ZNF470: variants seen among roughly 807,000 people sequenced by gnomAD.
ZNF470 encodes the protein zinc finger protein 470.
In ZNF470, 13 loss-of-function variants were observed where a neutral mutation model predicts 13.9. The observed-to-expected ratio is 0.94, with a 90% CI of 0.61 to 1.49. The LOEUF is 1.49. ZNF470 is among the 40% of genes most tolerant of loss of function. ZNF470 has a pLI of 0.00. For missense variants in ZNF470, 929 were observed against 857.3 expected (o/e 1.08, Z -1.04); for synonymous variants, 293 against 282.9 (o/e 1.04, Z -0.36).
Position 56,577,255 on chromosome 19 carries a change from A to C in ZNF470, c.826A>C (p.Arg276=), listed in dbSNP as rs1265422176. 1.2e-6 allele frequency: 2 copies of C among 1,612,250 alleles called. No individual in the cohort carries two copies. The highest frequency in any genetic ancestry group is 8.5e-7 in the Non-Finnish European group (1 of 1,179,190). Residue 276 remains arginine, a synonymous_variant, in exon 6 of 6, where the codon AGA becomes CGA. Transcript: ENST00000330619. ...SQSAHLAQHQ[R]IHTGEKPFEC... ...GAGTGCCCACCTTGCTCAACATCAG[A>C]GAATACACACAGGAGAAAAACCTTT...
chr19:56,578,053 T>C lies in ZNF470; in HGVS notation c.1624T>C (p.Cys542Arg). The change falls in exon 6 of 6, where the codon TGT becomes CGT. Residue 542 changes from cysteine (C) to arginine (R), a missense_variant. Physicochemically the swap from Cys to Arg is radical, Grantham distance 180. Coordinates refer to ENST00000330619, the MANE Select transcript of ZNF470 (RefSeq NM_001001668.4). ...GGAGAAACCTTATGAATGTAAGGAATGTGGTAAGGCCTTCAGTCAGATTGC... is the reference window on the plus strand; with the variant it reads ...GGAGAAACCTTATGAATGTAAGGAACGTGGTAAGGCCTTCAGTCAGATTGC... ...TGEKPYECKECGKAFSQIAHL... is the reference protein window; with the variant it reads ...TGEKPYECKERGKAFSQIAHL... 6.2e-7 allele frequency: 1 copy of C among 1,614,012 alleles called. No individual in the cohort carries two copies. The highest frequency in any genetic ancestry group is 8.5e-7 in the Non-Finnish European group (1 of 1,180,008).
At chr19:56,573,823 C>A in intron 3 of ZNF470, 1 of 340,806 alleles carries the variant, frequency 2.9e-6, no homozygotes, top group Non-Finnish European at 4.2e-6. Flanking sequence ...AACAACTTTT[C>A]AAATGTGTTC....
Position 56,578,731 on chromosome 19 carries a change from CTG to C in ZNF470, c.*150_*151del. 1 of 1,277,594 alleles carries C rather than the reference CTG, an allele frequency of 7.8e-7. No homozygotes were observed. Among genetic ancestry groups the C allele is most frequent in the Non-Finnish European group, 9.9e-7 (1 of 1,010,540 alleles). 79.1% of individuals were successfully genotyped at this position (1,277,594 alleles called of 1,614,324 possible). On this transcript the variant is annotated 3_prime_UTR_variant, in exon 6 of 6. Coordinates refer to ENST00000330619, the MANE Select transcript of ZNF470 (RefSeq NM_001001668.4). ...GCTTCTATCAACTACATGTTTAACA[CTG>C]TAGGCAGCCTAACCTTTTAAAAATA... is the stretch of plus-strand genomic sequence containing the variant.
Position 56,579,450 on chromosome 19 carries a change from G to T in ZNF470, c.*867G>T, listed in dbSNP as rs960306800. The stretch of plus-strand genomic sequence containing the variant: ...GAAAAACAAAGAACAAAAGCATTTG[G>T]TAGAATGTAGGACTAACCAGGGTAG... On this transcript the variant is annotated 3_prime_UTR_variant, in exon 6 of 6. Transcript: ENST00000330619. 7 of 985,274 alleles carry T rather than the reference G, an allele frequency of 7.1e-6. No individual in the cohort carries two copies. The African/African-American group carries it at 1.0e-4, about 15-fold the overall frequency. 61.0% of individuals were successfully genotyped at this position (985,274 alleles called of 1,614,324 possible).
chr19:56,569,534 A>G (rs961391827), intron 2 of ZNF470, among the ~76,000 whole-genome samples: 1 of 152,224 alleles, frequency 6.6e-6, no homozygotes, highest in African/African-American at 2.4e-5. Flanking sequence ...TAGGTTATTT[A>G]CAAATTTGTG....
At position 56,577,432 on chromosome 19, in the gene ZNF470, A is replaced by C. The variant is rs763736722; in HGVS notation, c.1003A>C (p.Thr335Pro). The C allele has an allele frequency of 6.2e-7, 1 of 1,614,114 alleles. No individual in the cohort carries two copies. Among genetic ancestry groups the C allele is most frequent in the Non-Finnish European group, 8.5e-7 (1 of 1,180,010 alleles). Reference protein sequence around the residue: ...AHLAQHQRVHTGEKPYECIEC... With the variant: ...AHLAQHQRVHPGEKPYECIEC... Reference sequence around the variant, plus strand: ...CCTTGCTCAACATCAGAGGGTCCACACTGGAGAGAAACCCTATGAATGTAT... The same window carrying C: ...CCTTGCTCAACATCAGAGGGTCCACCCTGGAGAGAAACCCTATGAATGTAT... The change falls in exon 6 of 6, where the codon ACT (threonine) becomes CCT (proline). Residue 335 changes from threonine to proline, a missense_variant. Transcript: ENST00000330619.
Position 56,577,675 on chromosome 19 carries a change from A to G in ZNF470, c.1246A>G (p.Lys416Glu). 1 of 1,610,826 alleles carries G rather than the reference A, an allele frequency of 6.2e-7. No homozygotes were observed. The highest frequency in any genetic ancestry group is 8.5e-7 in the Non-Finnish European group (1 of 1,177,566). The change falls in exon 6 of 6, where the codon AAG becomes GAG. Residue 416 changes from lysine (K) to glutamate (E), a missense_variant. Physicochemically the swap from Lys to Glu is moderately conservative, Grantham distance 56. Transcript: ENST00000330619. ...FTDHIGLIQH[K>E]RTHTGERPYK... Reference sequence around the variant, plus strand: ...TGATCACATAGGACTTATTCAGCATAAGAGAACTCATACTGGAGAGAGACC... The same window carrying G: ...TGATCACATAGGACTTATTCAGCATGAGAGAACTCATACTGGAGAGAGACC...
Position 56,581,524 on chromosome 19 carries a change from T to C in ZNF470, c.*2941T>C. 7.3e-6 allele frequency: 6 copies of C among 824,952 alleles called. No individual in the cohort carries two copies. Among genetic ancestry groups the C allele is most frequent in the Non-Finnish European group, 8.8e-6 (6 of 683,922 alleles). The allele number at this position is 824,952 out of a possible 1,614,324, so 51.1% of individuals were successfully genotyped here. ...AGTGTCCATCAGGGTAATAAATAAA[T>C]TAATTATGGTATATATCCATTCAAT... On this transcript the variant is annotated 3_prime_UTR_variant, in exon 6 of 6. Transcript: ENST00000330619.
chr19:56,581,293 C>A lies in ZNF470; in HGVS notation c.*2710C>A. ...AAGAAATGCAAATTAAAGTGATTAT[C>A]TACTTTTTCCCCAAAAGACTGACTA... is the stretch of plus-strand genomic sequence containing the variant. On this transcript the variant is annotated 3_prime_UTR_variant, in exon 6 of 6. Transcript: ENST00000330619. 1.4e-6 allele frequency: 1 copy of A among 720,336 alleles called. No individual in the cohort carries two copies. The highest frequency in any genetic ancestry group is 1.7e-6 in the Non-Finnish European group (1 of 588,340). 44.6% of individuals were successfully genotyped at this position (720,336 alleles called of 1,614,324 possible).
chr19:56,582,462 G>A lies in ZNF470; in HGVS notation c.*3879G>A. Reference sequence around the variant, plus strand: ...GAGACTATTTTTATGCATTGTTAAAGTGGAATGCTGGTTAAATTTTATACT... The same window carrying A: ...GAGACTATTTTTATGCATTGTTAAAATGGAATGCTGGTTAAATTTTATACT... On this transcript the variant is annotated 3_prime_UTR_variant, in exon 6 of 6. Transcript: ENST00000330619. 1 of 985,370 alleles carries A rather than the reference G, an allele frequency of 1.0e-6. No homozygotes were observed. Among genetic ancestry groups the A allele is most frequent in the Non-Finnish European group, 1.2e-6 (1 of 829,892 alleles). The allele number at this position is 985,370 out of a possible 1,614,324, so 61.0% of individuals were successfully genotyped here.
Position 56,580,897 on chromosome 19 carries a change from G to T in ZNF470, c.*2314G>T, listed in dbSNP as rs2044530576. Reference sequence around the variant, plus strand: ...TGGCATTGGGAAACTTAGCTCACTGGAAAAACAGATCTGTACCTTTCACAC... The same window carrying T: ...TGGCATTGGGAAACTTAGCTCACTGTAAAAACAGATCTGTACCTTTCACAC... On this transcript the variant is annotated 3_prime_UTR_variant, in exon 6 of 6. Coordinates refer to ENST00000330619, the MANE Select transcript of ZNF470 (RefSeq NM_001001668.4). 1.0e-6 allele frequency: 1 copy of T among 985,142 alleles called. No homozygotes were observed. Among genetic ancestry groups the T allele is most frequent in the East Asian group, 1.1e-4 (1 of 8,820 alleles). 61.0% of individuals were successfully genotyped at this position (985,142 alleles called of 1,614,324 possible). A position where few individuals can be genotyped will look rare whatever the true frequency, so the allele number is the denominator to read the frequency against.
chr19:56,569,564 G>C lies in ZNF470; in HGVS notation c.-33+681G>C, dbSNP rs532585148. ...TTTGTGTGACTTGTGGAAAAGACTT[G>C]ACTTCCCAGAGCTTTCTTGTGTAAA... On this transcript the variant is annotated intron_variant, in intron 2 of 5. Coordinates refer to ENST00000330619, the MANE Select transcript of ZNF470 (RefSeq NM_001001668.4). Among the ~76,000 whole-genome samples, 7 of 152,312 alleles carry C rather than the reference G, an allele frequency of 4.6e-5. No individual in the cohort carries two copies. The South Asian group carries it at 1.5e-3, about 32-fold the overall frequency.
At position 56,580,858 on chromosome 19, in the gene ZNF470, G is replaced by T. The variant is rs2044530364; in HGVS notation, c.*2275G>T. 1.0e-6 allele frequency: 1 copy of T among 985,202 alleles called. No individual in the cohort carries two copies. 61.0% of individuals were successfully genotyped at this position (985,202 alleles called of 1,614,324 possible). A position where few individuals can be genotyped will look rare whatever the true frequency, so the allele number is the denominator to read the frequency against. ...GATTTTTCATTGTAGTGGGGAAAAGGTGGTTTGATCAAATGGCATTGGGAA... is the reference window on the plus strand; with the variant it reads ...GATTTTTCATTGTAGTGGGGAAAAGTTGGTTTGATCAAATGGCATTGGGAA... On this transcript the variant is annotated 3_prime_UTR_variant, in exon 6 of 6. Transcript: ENST00000330619.
rs746813169 is a variant in ZNF470, at chr19:56,578,222, G to C, written c.1793G>C (p.Cys598Ser). ...AAAAGACCGTATGAATGTCTTGAAT[G>C]TGGGAAGGCATTCAGGCAGAGGGCA... ...SGKRPYECLE[C>S]GKAFRQRASL... Residue 598 changes from cysteine to serine, a missense_variant, in exon 6 of 6, where the codon TGT becomes TCT. By Grantham distance (112) the Cys-to-Ser change is moderately radical (BLOSUM62 -1). Coordinates refer to ENST00000330619, the MANE Select transcript of ZNF470 (RefSeq NM_001001668.4). 1 of 1,614,118 alleles carries C rather than the reference G, an allele frequency of 6.2e-7. No homozygotes were observed. Among genetic ancestry groups the C allele is most frequent in the Admixed American group, 1.7e-5 (1 of 60,006 alleles).
rs761518056 is a variant in ZNF470 at position 56,574,426 on chromosome 19, CT to C, written c.97del (p.Ser33ProfsTer8). ...TGACTTTCACAGATGTGGCCATAGACTTTTCCCAAGATGAATGGGAGTGGCT... is the reference window on the plus strand; with the variant it reads ...TGACTTTCACAGATGTGGCCATAGACTTTCCCAAGATGAATGGGAGTGGCT... ...SVTFTDVAID[F>X]SQDEWEWLNL... On this transcript the variant is annotated frameshift_variant, in exon 4 of 6. Transcript: ENST00000330619. LOFTEE classifies it high-confidence loss of function. The C allele has an allele frequency of 6.2e-7, 1 of 1,613,724 alleles. No individual in the cohort carries two copies. The highest frequency in any genetic ancestry group is 8.5e-7 in the Non-Finnish European group (1 of 1,179,788).
intron 2 of ZNF470, 95 bp from the exon 3 acceptor site, chr19:56,570,185 G>A (rs978896168): frequency 6.1e-6 from 5 of 820,454 alleles, no homozygotes; most frequent in African/African-American, 5.1e-5. Context: ...AGTGAGGACT[G>A]TGAGTGAGGA....
rs1245494326 is a variant in ZNF470, at chr19:56,567,705, C to T, written c.-492C>T. On this transcript the variant is annotated 5_prime_UTR_variant, in exon 1 of 6. Transcript: ENST00000330619. The stretch of plus-strand genomic sequence containing the variant: ...GGGCGAGCGCGCGCGGGGATGGCGG[C>T]CCGGTGTGTGACTGTCCGGTGCGTG... The T allele has an allele frequency of 2.6e-5, 26 of 988,286 alleles. No individual in the cohort carries two copies. The highest frequency in any genetic ancestry group is 2.6e-5 in the Non-Finnish European group (22 of 832,400). The allele number at this position is 988,286 out of a possible 1,614,324, so 61.2% of individuals were successfully genotyped here.
In ZNF470 at chr19:56,577,573, T is replaced by G; in HGVS notation, c.1144T>G (p.Ser382Ala). 3 of 1,613,894 alleles carry G rather than the reference T, an allele frequency of 1.9e-6. No homozygotes were observed. The highest frequency in any genetic ancestry group is 2.5e-6 in the Non-Finnish European group (3 of 1,179,954). Residue 382 changes from serine (S) to alanine (A), a missense_variant, in exon 6 of 6, where the codon TCT becomes GCT. Coordinates refer to ENST00000330619, the MANE Select transcript of ZNF470 (RefSeq NM_001001668.4). ...DCGKAFRQNA[S>A]LIRHRRYYHT... ...TGGGAAAGCTTTCAGGCAGAATGCT[T>G]CTCTTATACGTCATCGGCGATATTA...
rs2044495647 is a variant in ZNF470, at chr19:56,577,240, C to G, written c.811C>G (p.Leu271Val). 1 of 1,611,858 alleles carries G rather than the reference C, an allele frequency of 6.2e-7. No homozygotes were observed. Among genetic ancestry groups the G allele is most frequent in the African/African-American group, 1.3e-5 (1 of 74,804 alleles). The change falls in exon 6 of 6, where the codon CTT becomes GTT. Residue 271 changes from leucine to valine, a missense_variant. Transcript: ENST00000330619. ...AAAGGCCTTTAGCCAGAGTGCCCACCTTGCTCAACATCAGAGAATACACAC... is the reference window on the plus strand; with the variant it reads ...AAAGGCCTTTAGCCAGAGTGCCCACGTTGCTCAACATCAGAGAATACACAC... ...CGKAFSQSAH[L>V]AQHQRIHTGE... is the part of the protein sequence containing the mutation.
Sources: allele counts gnomAD v4.1 joint callset (sites outside exome capture counted in the v4.1 genomes callset), GRCh38; gene constraint gnomAD v4.1.1; transcripts MANE v1.5; gene names NCBI Gene and HGNC (gene_info 2026-07-23, HGNC 2026-07-21).